CAPS2: variants seen among roughly 807,000 people sequenced by gnomAD.
CAPS2 encodes the protein calcyphosin-2.
CAPS2 carries 98 observed loss-of-function variants against 86.5 expected under a neutral mutation model. That is an observed-to-expected ratio of 1.13 (90% CI 0.96 to 1.34). CAPS2 has a LOEUF of 1.34. Ranked by LOEUF, CAPS2 falls within the 40% of genes most tolerant of loss-of-function variation. The pLI is 0.00. For missense variants in CAPS2, 729 were observed against 686.8 expected, an observed-to-expected ratio of 1.06 and a Z score of -0.69; for synonymous variants, 210 against 225.1, an observed-to-expected ratio of 0.93 and a Z score of 0.60.
intron 1 of CAPS2, chr12:75,325,493 T>C (rs2040682540): frequency 6.2e-6 from 1 of 162,570 alleles, no homozygotes; most frequent in Non-Finnish European, 1.3e-5. Flanking sequence ...CCTAACCACA[T>C]AGCACTCTGC....
rs1381131095 is a variant in CAPS2, at chr12:75,287,039, T to C, written c.1396-1959A>G. ...AGTCCTATATCAGCTATTACTTGTG[T>C]GTGATTTTATAAACACATACACACG... is the stretch of plus-strand genomic sequence containing the variant. On this transcript the variant is annotated intron_variant, in intron 14 of 16. Transcript: ENST00000393284. Among the ~76,000 whole-genome samples, 4 of 151,176 alleles carry C rather than the reference T, an allele frequency of 2.6e-5. No homozygotes were observed. In the South Asian group the frequency reaches 6.2e-4, roughly 24 times the overall value.
At chr12:75,307,794 C>A (rs535879995) in intron 7 of CAPS2, among the ~76,000 whole-genome samples, 1 of 152,036 alleles carries the variant, frequency 6.6e-6, no homozygotes, top group Non-Finnish European at 1.5e-5. Context: ...TTTGAGGTCA[C>A]CAAGTAGAAA....
At position 75,297,151 on chromosome 12, in the gene CAPS2, C is replaced by T. The variant is rs1385044957; in HGVS notation, c.1044+1536G>A. Among the ~76,000 whole-genome samples, 6 of 151,944 alleles carry T rather than the reference C, an allele frequency of 3.9e-5. No individual in the cohort carries two copies. In the South Asian group the frequency reaches 1.0e-3, roughly 26 times the overall value. On this transcript the variant is annotated intron_variant, in intron 11 of 16. Coordinates refer to ENST00000393284, the Ensembl canonical transcript of CAPS2. The stretch of plus-strand genomic sequence containing the variant: ...AAAAAAGAACAGAGTTCCACATCCA[C>T]TTCAAAGAAATATGGAATGAGGATA...
chr12:75,301,619 C>G (rs1339130138), intron 8 of CAPS2, among the ~76,000 whole-genome samples: 1 of 152,070 alleles, frequency 6.6e-6, no homozygotes, highest in Non-Finnish European at 1.5e-5. Context: ...ATAAATTTTA[C>G]AGAAACATAG....
At chr12:75,371,377 C>T (rs939247239) in intron 1 of CAPS2, 7 of 211,774 alleles carry the variant, frequency 3.3e-5, no homozygotes, top group South Asian at 2.0e-4. Context: ...AGCTGGCAGC[C>T]GATTGGATGT....
chr12:75,377,023 G>A (rs962792862), intron 1 of CAPS2, among the ~76,000 whole-genome samples: 5 of 152,126 alleles, frequency 3.3e-5, no homozygotes, highest in African/African-American at 1.2e-4. Flanking sequence ...ACATATAGTT[G>A]AAGGTATTAC....
At chr12:75,328,899 G>T (rs1383855526), upstream of CAPS2, among the ~76,000 whole-genome samples, 1 of 152,080 alleles carries the variant, frequency 6.6e-6, no homozygotes, top group Non-Finnish European at 1.5e-5. Flanking sequence ...GTATTCAAAG[G>T]GCAATGCCGT....
chr12:75,335,271 T>C (rs2041647749), intron 1 of CAPS2, among the ~76,000 whole-genome samples: 1 of 152,136 alleles, frequency 6.6e-6, no homozygotes, highest in African/African-American at 2.4e-5. Context: ...ACCAAAGAAA[T>C]AGCCCAGGAA....
intron 1 of CAPS2, among the ~76,000 whole-genome samples, chr12:75,368,691 T>C (rs2044157364): frequency 6.6e-6 from 1 of 152,014 alleles, no homozygotes; most frequent in African/African-American, 2.4e-5. Context: ...TTCAAGTTTG[T>C]ATTAGACTCA....
intron 1 of CAPS2, among the ~76,000 whole-genome samples, chr12:75,359,705 T>G (rs2139570281): frequency 6.6e-6 from 1 of 152,274 alleles, no homozygotes; most frequent in Middle Eastern, 3.4e-3. Flanking sequence ...TATTTTCAAC[T>G]AATTTTTCAG....
intron 1 of CAPS2, among the ~76,000 whole-genome samples, chr12:75,350,622 A>T (rs961068565): frequency 6.6e-6 from 1 of 152,182 alleles, no homozygotes; most frequent in Admixed American, 6.5e-5. Flanking sequence ...AAGGGGCCTT[A>T]CTGCTAAAAG....
intron 7 of CAPS2, among the ~76,000 whole-genome samples, chr12:75,307,069 G>A (rs1299761511): frequency 1.3e-5 from 2 of 152,106 alleles, no homozygotes; most frequent in African/African-American, 4.8e-5. Flanking sequence ...ACATTGTAAT[G>A]GAGGAGAGTA....
intron 1 of CAPS2, chr12:75,343,804 GTTGGAGAAAATA>G (rs758198122): frequency 1.9e-6 from 3 of 1,613,436 alleles, no homozygotes; most frequent in Non-Finnish European, 2.5e-6. Flanking sequence ...TTTTGAATAT[GTTGGAGAAAATA>G]TCTGGTTAGG....
chr12:75,322,873 A>G (rs1425834517), intron 4 of CAPS2: 1 of 648,102 alleles, frequency 1.5e-6, no homozygotes, highest in Non-Finnish European at 2.7e-6. Flanking sequence ...ATGGTTTGGT[A>G]TTTAAATACA....
intron 1 of CAPS2, among the ~76,000 whole-genome samples, chr12:75,339,047 A>C (rs1263097186): frequency 1.3e-5 from 2 of 152,198 alleles, no homozygotes; most frequent in Non-Finnish European, 2.9e-5. Context: ...TATTGTGAAT[A>C]GTGTGCAGTG....
At chr12:75,276,152 C>T (rs1261599888), downstream of CAPS2, 7 of 1,495,282 alleles carry the variant, frequency 4.7e-6, no homozygotes, top group African/African-American at 1.0e-4. Context: ...TCTTCTCTTG[C>T]TTGGCTTATT....
intron 1 of CAPS2, among the ~76,000 whole-genome samples, chr12:75,340,154 A>C (rs1224176339): frequency 6.7e-6 from 1 of 149,804 alleles, no homozygotes; most frequent in African/African-American, 2.4e-5. Flanking sequence ...TAAAATATAT[A>C]TGTATAAATA....
chr12:75,277,665 C>A, exon 17 of CAPS2: 1 of 983,384 alleles, frequency 1.0e-6, no homozygotes, highest in Non-Finnish European at 1.2e-6. Flanking sequence ...TCACATGTAT[C>A]ACACTTCTCA....
At chr12:75,338,911 T>C (rs1333477976) in intron 1 of CAPS2, among the ~76,000 whole-genome samples, 1 of 152,238 alleles carries the variant, frequency 6.6e-6, no homozygotes, top group Non-Finnish European at 1.5e-5. Context: ...TCCATCCATG[T>C]CCCTGCAAAG....
Sources: allele counts gnomAD v4.1 joint callset (sites outside exome capture counted in the v4.1 genomes callset), GRCh38; gene constraint gnomAD v4.1.1; transcripts MANE v1.5; gene names NCBI Gene and HGNC (gene_info 2026-07-23, HGNC 2026-07-21).